MMP16: variants seen among roughly 807,000 people sequenced by gnomAD.
MMP16 encodes matrix metalloproteinase-16.
Under a neutral mutation model 67.8 loss-of-function variants are expected in MMP16, and 12 were observed. The ratio of observed to expected loss-of-function variants is 0.18; its 90% CI spans 0.11 to 0.29. The LOEUF (loss-of-function observed/expected upper bound fraction) is 0.29, where lower values mean the gene tolerates loss of function less well. MMP16 is among the 10% of genes least tolerant of loss of function. The pLI is 1.00. For missense variants in MMP16, 475 were observed against 765.7 expected (o/e 0.62, Z 4.48); for synonymous variants, 249 against 255.9 (o/e 0.97, Z 0.26).
intron 4 of MMP16, among the ~76,000 whole-genome samples, chr8:88,124,632 A>G (rs533115576): frequency 2.6e-5 from 4 of 152,100 alleles, no homozygotes; most frequent in African/African-American, 9.6e-5. Flanking sequence ...AGCTCTTTGT[A>G]GGCATCTGTA....
At chr8:88,267,164 T>C (rs1386285915) in intron 1 of MMP16, among the ~76,000 whole-genome samples, 7 of 152,224 alleles carry the variant, frequency 4.6e-5, no homozygotes, top group Admixed American at 3.3e-4. Flanking sequence ...GGAAAGCTAA[T>C]ATTCATATAG....
intron 1 of MMP16, among the ~76,000 whole-genome samples, chr8:88,309,388 T>G (rs1008845000): frequency 1.3e-4 from 19 of 151,688 alleles, no homozygotes; most frequent in Non-Finnish European, 2.2e-4. Flanking sequence ...TAATGCATTT[T>G]TATGGGAAGG....
chr8:88,180,666 T>G (rs1007762317), intron 3 of MMP16, among the ~76,000 whole-genome samples: 1 of 151,932 alleles, frequency 6.6e-6, no homozygotes, highest in African/African-American at 2.4e-5. Context: ...AAAAAATGCA[T>G]GAGGCACTAT....
intron 1 of MMP16, among the ~76,000 whole-genome samples, chr8:88,274,490 C>G (rs1480442014): frequency 6.6e-6 from 1 of 151,994 alleles, no homozygotes. Flanking sequence ...ATCAGAGGTT[C>G]TATCATATTT....
intron 4 of MMP16, among the ~76,000 whole-genome samples, chr8:88,146,713 A>G (rs189419556): frequency 3.7e-4 from 57 of 152,056 alleles, no homozygotes; most frequent in African/African-American, 1.0e-3. Context: ...AAAAGCAATT[A>G]TGGCATGAAA....
chr8:88,302,046 C>A (rs1811112439), intron 1 of MMP16, among the ~76,000 whole-genome samples: 1 of 152,282 alleles, frequency 6.6e-6, no homozygotes, highest in Admixed American at 6.5e-5. Flanking sequence ...GCTCAGAAAC[C>A]TTCACAAGAA....
chr8:88,074,701 C>T lies in MMP16; in HGVS notation c.1126G>A (p.Gly376Arg). Residue 376 changes from glycine (G) to arginine (R), a missense_variant, in exon 7 of 10, where the codon GGA (glycine) becomes AGA (arginine). By Grantham distance (125) the Gly-to-Arg change is moderately radical. This residue lies in a region of MMP16 where 195 missense variants were observed against 300.9 expected (regional missense o/e 0.65). Coordinates refer to ENST00000286614, the MANE Select transcript of MMP16 (RefSeq NM_005941.5). The part of the protein sequence containing the change: ...WRVRNNRVMD[G>R]YPMQITYFWR... The stretch of plus-strand genomic sequence containing the variant: ...AAGTAAGTAATTTGCATTGGGTATC[C>T]ATCCATCACCCTGTTGTTTCTCACT... 1 of 1,613,420 alleles carries T rather than the reference C, an allele frequency of 6.2e-7. No individual in the cohort carries two copies. The highest frequency in any genetic ancestry group is 8.5e-7 in the Non-Finnish European group (1 of 1,179,590).
intron 3 of MMP16, among the ~76,000 whole-genome samples, chr8:88,186,022 T>G (rs1232669437): frequency 1.3e-5 from 2 of 152,168 alleles, no homozygotes; most frequent in Non-Finnish European, 2.9e-5. Flanking sequence ...GAAAATACTT[T>G]CTGTTACTGA....
intron 1 of MMP16, among the ~76,000 whole-genome samples, chr8:88,250,727 T>TA (rs1414230743): frequency 6.6e-6 from 1 of 151,892 alleles, no homozygotes; most frequent in Non-Finnish European, 1.5e-5. Context: ...TCAGTGCCTG[T>TA]AATTCTTTGG....
chr8:88,232,258 T>G (rs978926957), intron 1 of MMP16, among the ~76,000 whole-genome samples: 2 of 152,178 alleles, frequency 1.3e-5, no homozygotes, highest in East Asian at 3.9e-4. Flanking sequence ...TTTACATCTT[T>G]AATTGCATTG....
At chr8:88,062,050 G>A (rs1194450503) in intron 7 of MMP16, among the ~76,000 whole-genome samples, 1 of 152,052 alleles carries the variant, frequency 6.6e-6, no homozygotes. Flanking sequence ...TGCCTGCTGA[G>A]TATCTGTGGC....
intron 7 of MMP16, among the ~76,000 whole-genome samples, chr8:88,067,501 T>C (rs991663932): frequency 6.6e-6 from 1 of 152,240 alleles, no homozygotes; most frequent in South Asian, 2.1e-4. Context: ...TTTTGACATA[T>C]GTACATAGCT....
chr8:88,105,758 C>A (rs111277927), intron 6 of MMP16, among the ~76,000 whole-genome samples: 1 of 151,152 alleles, frequency 6.6e-6, no homozygotes, highest in African/African-American at 2.4e-5. Flanking sequence ...CAATAGTATT[C>A]TAGACAAAAG....
At chr8:88,245,100 C>A (rs1810092652) in intron 1 of MMP16, among the ~76,000 whole-genome samples, 1 of 152,148 alleles carries the variant, frequency 6.6e-6, no homozygotes, top group Admixed American at 6.5e-5. Flanking sequence ...GCCATGTTTT[C>A]TGTGACCTTT....
chr8:88,310,053 C>T (rs1811272353), intron 1 of MMP16, among the ~76,000 whole-genome samples: 1 of 151,998 alleles, frequency 6.6e-6, no homozygotes, highest in Non-Finnish European at 1.5e-5. Flanking sequence ...ACTGTTTTTG[C>T]TCTTTTCTAA....
At chr8:88,313,074 G>T (rs1316474151) in intron 1 of MMP16, among the ~76,000 whole-genome samples, 1 of 152,148 alleles carries the variant, frequency 6.6e-6, no homozygotes, top group Non-Finnish European at 1.5e-5. Context: ...TGTTCACTCA[G>T]CCTAATTGTT....
chr8:88,135,664 T>C (rs976218459), intron 4 of MMP16, among the ~76,000 whole-genome samples: 3 of 151,994 alleles, frequency 2.0e-5, no homozygotes, highest in Non-Finnish European at 2.9e-5. Flanking sequence ...GTAACCATGT[T>C]ATTGTGGAGA....
In MMP16 at chr8:88,056,113, G is replaced by A; in HGVS notation, c.1373+15C>T. 6.8e-7 allele frequency: 1 copy of A among 1,460,454 alleles called. No homozygotes were observed. The highest frequency in any genetic ancestry group is 2.6e-5 in the East Asian group (1 of 38,468). 90.5% of individuals were successfully genotyped at this position (1,460,454 alleles called of 1,614,324 possible). On this transcript the variant is annotated intron_variant, in intron 8 of 9. Coordinates refer to ENST00000286614, the MANE Select transcript of MMP16 (RefSeq NM_005941.5). ...GGTTAATTAACTGTTTTTCTCATGA[G>A]AAGTGTATACTGACCTGTCTCCCTT...
chr8:88,281,613 G>A (rs1810738092), intron 1 of MMP16, among the ~76,000 whole-genome samples: 1 of 152,166 alleles, frequency 6.6e-6, no homozygotes, highest in African/African-American at 2.4e-5. Flanking sequence ...GTCCACAGTA[G>A]TCACTTGTTA....
Sources: allele counts gnomAD v4.1 joint callset (sites outside exome capture counted in the v4.1 genomes callset), GRCh38; gene constraint gnomAD v4.1.1; regional missense constraint gnomAD v4.1.1; transcripts MANE v1.5; gene names NCBI Gene and HGNC (gene_info 2026-07-23, HGNC 2026-07-21).